The following RXRG variants were observed in gnomAD, a reference collection of about 807,000 sequenced individuals.
The protein encoded by RXRG is retinoic acid receptor RXR-gamma.
In RXRG, 19 loss-of-function variants were observed where a neutral mutation model predicts 49.2. The ratio of observed to expected loss-of-function variants is 0.39; its 90% CI spans 0.27 to 0.57. The LOEUF (loss-of-function observed/expected upper bound fraction) is 0.57. Ranked by LOEUF, RXRG falls within the 20% of genes least tolerant of loss-of-function variation. RXRG has a pLI of 0.64. For missense variants in RXRG, 452 were observed against 592.5 expected, an observed-to-expected ratio of 0.76 and a Z score of 2.46; for synonymous variants, 224 against 216.6, an observed-to-expected ratio of 1.03 and a Z score of -0.30.
intron 3 of RXRG, among the ~76,000 whole-genome samples, chr1:165,419,182 T>C (rs748260263): frequency 6.6e-6 from 1 of 152,124 alleles, no homozygotes; most frequent in Non-Finnish European, 1.5e-5. Context: ...CAAAGATAAG[T>C]TGGTGAAAAC....
chr1:165,430,283 T>A (rs1290635142), intron 1 of RXRG, among the ~76,000 whole-genome samples: 1 of 152,200 alleles, frequency 6.6e-6, no homozygotes, highest in East Asian at 1.9e-4. Context: ...CCAACAAATA[T>A]TTCTTGAGTG....
chr1:165,402,484 CTGTT>C (rs757026335), intron 9 of RXRG, among the ~76,000 whole-genome samples: 9 of 152,220 alleles, frequency 5.9e-5, no homozygotes, highest in Non-Finnish European at 1.2e-4. Flanking sequence ...AGTCTATGGT[CTGTT>C]TGGGGAGAGG....
At chr1:165,412,098 A>G (rs1193188845) in intron 4 of RXRG, among the ~76,000 whole-genome samples, 3 of 152,028 alleles carry the variant, frequency 2.0e-5, no homozygotes, top group African/African-American at 7.3e-5. Context: ...CCCATAGTCC[A>G]CTTGCAAGAG....
At chr1:165,416,962 C>T (rs1236411315) in intron 4 of RXRG, 79 bp downstream of exon 4, 17 of 1,371,240 alleles carry the variant, frequency 1.2e-5, no homozygotes, top group East Asian at 4.7e-5. Flanking sequence ...CATGACTTCT[C>T]GTGTATTGCA....
chr1:165,414,077 A>G (rs1322743828), intron 4 of RXRG, among the ~76,000 whole-genome samples: 1 of 152,202 alleles, frequency 6.6e-6, no homozygotes, highest in Non-Finnish European at 1.5e-5. Context: ...ATGGCGGTGG[A>G]CAGGCTATCC....
At chr1:165,401,561 C>CT in intron 9 of RXRG, 151 bp from the exon 10 acceptor site, 1 of 812,942 alleles carries the variant, frequency 1.2e-6, no homozygotes, top group Non-Finnish European at 1.9e-6. Context: ...ATCTCTAAGC[C>CT]TAAAGAGCTT....
At chr1:165,414,737 A>G (rs1385093439) in intron 4 of RXRG, among the ~76,000 whole-genome samples, 1 of 152,196 alleles carries the variant, frequency 6.6e-6, no homozygotes, top group Non-Finnish European at 1.5e-5. Context: ...GGTGGAAAAA[A>G]GATGTTCTTC....
intron 2 of RXRG, 142 bp from the exon 3 acceptor site, chr1:165,420,156 A>C (rs1247789133): frequency 1.7e-6 from 1 of 585,714 alleles, no homozygotes; most frequent in Non-Finnish European, 2.6e-6. Context: ...GAAACTGCCT[A>C]TCTGTGAGAT....
At chr1:165,409,871 T>C (rs921720203) in intron 6 of RXRG, among the ~76,000 whole-genome samples, 181 bp from the exon 7 acceptor site, 2 of 151,662 alleles carry the variant, frequency 1.3e-5, no homozygotes, top group Non-Finnish European at 2.9e-5. Flanking sequence ...AAGACTGGGG[T>C]CTCCTGACTT....
rs532777409 is a variant in RXRG at position 165,410,697 on chromosome 1, T to C, written c.913+5A>G. ...CCAGGAAAAAAGGCAGCCAATGTGC[T>C]TTACCTGCCCGAAGCAAAATGACCT... On this transcript the variant is annotated splice_donor_5th_base_variant and intron_variant, in intron 6 of 9. Coordinates refer to ENST00000359842, the MANE Select transcript of RXRG (RefSeq NM_006917.5). 35 of 1,613,774 alleles carry C rather than the reference T, an allele frequency of 2.2e-5. No individual in the cohort carries two copies. The African/African-American group carries it at 2.4e-4, about 11-fold the overall frequency.
chr1:165,401,429 G>A lies in RXRG; in HGVS notation c.1245-19C>T. On this transcript the variant is annotated intron_variant, in intron 9 of 9. Coordinates refer to ENST00000359842, the MANE Select transcript of RXRG (RefSeq NM_006917.5). Reference sequence around the variant, plus strand: ...GGCAAACCTGCAGGGAAGCCAAGAGGCATCAGGGACAGGGACGGGCAGGCA... The same window carrying A: ...GGCAAACCTGCAGGGAAGCCAAGAGACATCAGGGACAGGGACGGGCAGGCA... The A allele has an allele frequency of 6.2e-7, 1 of 1,613,202 alleles. No homozygotes were observed. The highest frequency in any genetic ancestry group is 2.2e-5 in the East Asian group (1 of 44,874).
rs376390766 is a variant in RXRG, at chr1:165,445,105, G to C, written c.-212C>G. 1 of 572,270 alleles carries C rather than the reference G, an allele frequency of 1.7e-6. No homozygotes were observed. Among genetic ancestry groups the C allele is most frequent in the Non-Finnish European group, 3.1e-6 (1 of 320,652 alleles). 35.4% of individuals were successfully genotyped at this position (572,270 alleles called of 1,614,324 possible). ...AGAGTCCACATAGTGCGTTTGAGAC[G>C]GCTGTGGCGGCAGCAGCTGGTGCCT... On this transcript the variant is annotated 5_prime_UTR_variant, in exon 1 of 10. Transcript: ENST00000359842.
intron 9 of RXRG, among the ~76,000 whole-genome samples, chr1:165,404,203 T>G (rs1436722134): frequency 6.6e-6 from 1 of 152,188 alleles, no homozygotes; most frequent in African/African-American, 2.4e-5. Context: ...GTGACACCCC[T>G]GATGTACCTA....
At chr1:165,422,420 T>C (rs1192600166) in intron 2 of RXRG, among the ~76,000 whole-genome samples, 1 of 152,178 alleles carries the variant, frequency 6.6e-6, no homozygotes, top group Non-Finnish European at 1.5e-5. Flanking sequence ...TCAGTTTGGA[T>C]CATTCAGGAA....
intron 7 of RXRG, 81 bp downstream of exon 7, chr1:165,409,477 A>G (rs1657864796): frequency 1.6e-6 from 2 of 1,254,392 alleles, no homozygotes; most frequent in African/African-American, 1.7e-5. Context: ...GAATTCATGT[A>G]TGTACACATG....
chr1:165,423,708 G>T (rs1209532054), intron 2 of RXRG, among the ~76,000 whole-genome samples: 13 of 151,504 alleles, frequency 8.6e-5, no homozygotes, highest in African/African-American at 3.2e-4. Flanking sequence ...GTTGCTGGGG[G>T]CGGTGGGGAG....
chr1:165,428,046 T>C (rs1314799115), intron 2 of RXRG, among the ~76,000 whole-genome samples: 1 of 152,194 alleles, frequency 6.6e-6, no homozygotes, highest in Non-Finnish European at 1.5e-5. Context: ...CACTACAAGA[T>C]GGGAAGGATG....
intron 1 of RXRG, among the ~76,000 whole-genome samples, chr1:165,430,082 C>T (rs1034246674): frequency 7.9e-5 from 12 of 152,148 alleles, no homozygotes; most frequent in African/African-American, 2.9e-4. Flanking sequence ...AGTAGCTGCA[C>T]GCAGCACATC....
At chr1:165,433,227 G>A (rs559840388) in intron 1 of RXRG, among the ~76,000 whole-genome samples, 41 of 152,186 alleles carry the variant, frequency 2.7e-4, no homozygotes, top group African/African-American at 8.4e-4. Flanking sequence ...GAACCCGCTC[G>A]TGCCTTGATC....
Sources: gnomAD v4.1 joint callset for allele counts (sites outside exome capture counted in the v4.1 genomes callset) on GRCh38, gnomAD v4.1.1 for gene constraint, MANE v1.5 for transcripts, NCBI Gene and HGNC (gene_info 2026-07-23, HGNC 2026-07-21) for gene names.